CFAP299: variants seen among roughly 807,000 people sequenced by gnomAD.
CFAP299 encodes the protein cilia- and flagella-associated protein 299.
Under a neutral mutation model 27.0 loss-of-function variants are expected in CFAP299, and 21 were observed. The ratio of observed to expected loss-of-function variants is 0.78; its 90% CI spans 0.55 to 1.12. The LOEUF (loss-of-function observed/expected upper bound fraction) is 1.12, where lower values mean the gene tolerates loss of function less well. Ranked by LOEUF, CFAP299 falls within the 50% of genes most tolerant of loss-of-function variation. The pLI, the probability that CFAP299 is intolerant of heterozygous loss-of-function variation, is 0.00. For missense variants in CFAP299, 310 were observed against 276.6 expected (o/e 1.12, Z -0.86); for synonymous variants, 104 against 98.1 (o/e 1.06, Z -0.36).
intron 2 of CFAP299, among the ~76,000 whole-genome samples, chr4:80,474,404 T>A (rs1730169767): frequency 6.6e-6 from 1 of 152,240 alleles, no homozygotes; most frequent in Non-Finnish European, 1.5e-5. Context: ...ATGACTGCCA[T>A]GTTCATCTAT....
chr4:80,856,883 G>A (rs1224423669), intron 3 of CFAP299, among the ~76,000 whole-genome samples: 1 of 151,990 alleles, frequency 6.6e-6, no homozygotes, highest in Non-Finnish European at 1.5e-5. Flanking sequence ...ACTTGGTGAT[G>A]AGGGCTCTTT....
intron 3 of CFAP299, among the ~76,000 whole-genome samples, chr4:80,716,017 G>GAA (rs955682609): frequency 1.3e-5 from 2 of 151,824 alleles, no homozygotes; most frequent in African/African-American, 4.8e-5. Context: ...GTCTAAATCT[G>GAA]AAAAAAATCC....
intron 2 of CFAP299, among the ~76,000 whole-genome samples, chr4:80,395,365 G>T (rs1478251967): frequency 2.0e-5 from 3 of 151,944 alleles, no homozygotes; most frequent in Non-Finnish European, 4.4e-5. Context: ...TTTATTTTCT[G>T]ATTGAATGTC....
intron 2 of CFAP299, among the ~76,000 whole-genome samples, chr4:80,426,967 A>T (rs1727559033): frequency 6.6e-6 from 1 of 152,154 alleles, no homozygotes; most frequent in Non-Finnish European, 1.5e-5. Context: ...GGTTTCTTTC[A>T]AGAGTAATAA....
At chr4:80,857,194 G>T (rs1012995917) in intron 3 of CFAP299, among the ~76,000 whole-genome samples, 1 of 152,124 alleles carries the variant, frequency 6.6e-6, no homozygotes, top group Non-Finnish European at 1.5e-5. Context: ...CTCATGATTT[G>T]GCTCTCTGTT....
At position 80,692,080 on chromosome 4, in the gene CFAP299, A is replaced by G. The variant is rs553637553; in HGVS notation, c.333+108897A>G. ...AAATGGAAGAGCATTCTATGCTCATAGGTAGGAAGAATCAATATCATGAAA... is the reference window on the plus strand; with the variant it reads ...AAATGGAAGAGCATTCTATGCTCATGGGTAGGAAGAATCAATATCATGAAA... On this transcript the variant is annotated intron_variant, in intron 3 of 5. Transcript: ENST00000358105. 2.0e-5 allele frequency among the ~76,000 whole-genome samples: 3 copies of G among 152,308 alleles called. No individual in the cohort carries two copies. In the South Asian group the frequency reaches 6.2e-4, roughly 32 times the overall value.
intron 4 of CFAP299, among the ~76,000 whole-genome samples, chr4:80,918,324 T>C (rs1735861935): frequency 6.6e-6 from 1 of 152,180 alleles, no homozygotes; most frequent in Admixed American, 6.6e-5. Context: ...AATAACAAAG[T>C]GAATTTTCCT....
chr4:80,717,180 T>C (rs1029871077), intron 3 of CFAP299, among the ~76,000 whole-genome samples: 1 of 151,800 alleles, frequency 6.6e-6, no homozygotes, highest in Non-Finnish European at 1.5e-5. Flanking sequence ...ATGAAAAAAA[T>C]GTGATGAATA....
intron 3 of CFAP299, among the ~76,000 whole-genome samples, chr4:80,631,761 A>T: frequency 6.6e-6 from 1 of 151,928 alleles, no homozygotes; most frequent in East Asian, 1.9e-4. Context: ...TAGCCACGTG[A>T]ACAATAATAA....
At chr4:80,390,492 TATATATATGTATATATACAC>T in intron 2 of CFAP299, among the ~76,000 whole-genome samples, 1 of 146,892 alleles carries the variant, frequency 6.8e-6, no homozygotes, top group African/African-American at 2.5e-5. Context: ...TCTCTCTCTC[TATATATATGTATATATACAC>T]ACATATATGT....
chr4:80,803,640 A>G (rs888772459), intron 3 of CFAP299, among the ~76,000 whole-genome samples: 1 of 151,608 alleles, frequency 6.6e-6, no homozygotes, highest in African/African-American at 2.4e-5. Context: ...ACTTTCTAGT[A>G]ACCATATTCA....
At chr4:80,715,442 G>T (rs1301033833) in intron 3 of CFAP299, among the ~76,000 whole-genome samples, 1 of 151,944 alleles carries the variant, frequency 6.6e-6, no homozygotes, top group East Asian at 1.9e-4. Flanking sequence ...CCACAAAAAG[G>T]TTTGTTTTGT....
chr4:80,755,521 A>G (rs1006331698), intron 3 of CFAP299, among the ~76,000 whole-genome samples: 1 of 152,104 alleles, frequency 6.6e-6, no homozygotes, highest in African/African-American at 2.4e-5. Context: ...CTACCATTTG[A>G]CTATTAAATT....
At chr4:80,901,190 T>G (rs967156903) in intron 4 of CFAP299, among the ~76,000 whole-genome samples, 12 of 152,292 alleles carry the variant, frequency 7.9e-5, no homozygotes, top group African/African-American at 2.6e-4. Context: ...AAAAAAAATA[T>G]ACCTATCACA....
intron 3 of CFAP299, among the ~76,000 whole-genome samples, chr4:80,690,721 C>G (rs1262216248): frequency 6.6e-6 from 1 of 151,704 alleles, no homozygotes; most frequent in Non-Finnish European, 1.5e-5. Flanking sequence ...AATAGAGACA[C>G]AAAAAACCCT....
chr4:80,638,328 A>G (rs1188850668), intron 3 of CFAP299, among the ~76,000 whole-genome samples: 2 of 152,196 alleles, frequency 1.3e-5, no homozygotes, highest in African/African-American at 4.8e-5. Context: ...TTTCTTCAAC[A>G]TTTGAAGATT....
At chr4:80,425,874 C>A (rs1727506450) in intron 2 of CFAP299, among the ~76,000 whole-genome samples, 1 of 152,152 alleles carries the variant, frequency 6.6e-6, no homozygotes, top group Non-Finnish European at 1.5e-5. Flanking sequence ...GTAAAAATAG[C>A]AGACTCTTTG....
At chr4:80,888,246 C>T (rs1578213893) in intron 4 of CFAP299, among the ~76,000 whole-genome samples, 3 of 152,040 alleles carry the variant, frequency 2.0e-5, no homozygotes, top group African/African-American at 7.2e-5. Context: ...AAGAAACACA[C>T]TTCACATACA....
intron 3 of CFAP299, among the ~76,000 whole-genome samples, chr4:80,755,013 C>T (rs1177552457): frequency 1.3e-5 from 2 of 152,054 alleles, no homozygotes; most frequent in Admixed American, 1.3e-4. Context: ...TGTCAAGACA[C>T]AACAAGAGAT....
Sources: allele counts gnomAD v4.1 joint callset (sites outside exome capture counted in the v4.1 genomes callset), GRCh38; gene constraint gnomAD v4.1.1; transcripts MANE v1.5; gene names NCBI Gene and HGNC (gene_info 2026-07-23, HGNC 2026-07-21).